Variants in DAW1 observed in about 807,000 individuals in gnomAD.
DAW1 encodes the protein dynein assembly factor with WD repeat domains 1.
In DAW1, 47 loss-of-function variants were observed where a neutral mutation model predicts 56.5. That is an observed-to-expected ratio of 0.83 (90% CI 0.66 to 1.06). DAW1 has a LOEUF of 1.06. DAW1 is among the 50% of genes least tolerant of loss of function. The pLI, the probability that DAW1 is intolerant of heterozygous loss-of-function variation, is 0.00. For synonymous variants in DAW1, 190 were observed against 179.0 expected, an observed-to-expected ratio of 1.06 and a Z score of -0.49; for missense variants, 505 against 499.3, an observed-to-expected ratio of 1.01 and a Z score of -0.11.
intron 10 of DAW1, among the ~76,000 whole-genome samples, chr2:227,911,991 A>G (rs1691837376): frequency 1.3e-5 from 2 of 152,050 alleles, no homozygotes; most frequent in South Asian, 4.1e-4. Context: ...CTTTCTCATG[A>G]CCATATATCC....
At chr2:227,881,743 CTTTTTTTTTTTTT>C (rs541800966) in intron 1 of DAW1, among the ~76,000 whole-genome samples, 1 of 78,608 alleles carries the variant, frequency 1.3e-5, no homozygotes, top group Non-Finnish European at 2.3e-5. Flanking sequence ...CTGCCACATT[CTTTTTTTTTTTTT>C]TTTTTTTTTT....
intron 1 of DAW1, among the ~76,000 whole-genome samples, chr2:227,876,234 A>G (rs866246874): frequency 2.0e-5 from 3 of 152,090 alleles, no homozygotes; most frequent in Non-Finnish European, 4.4e-5. Flanking sequence ...GTTAGCCAGG[A>G]TGGTCTTGAT....
At chr2:227,918,648 A>C (rs4973494) in intron 10 of DAW1, 132 bp from the exon 11 acceptor site, 862,975 of 975,942 alleles carry the variant, frequency 0.88, 381,929 homozygotes, top group Middle Eastern at 0.93. Flanking sequence ...CTGGCTCTCA[A>C]CACAGGCAAG....
At chr2:227,883,096 A>C (rs1366644340) in intron 1 of DAW1, among the ~76,000 whole-genome samples, 2 of 152,238 alleles carry the variant, frequency 1.3e-5, no homozygotes, top group Non-Finnish European at 2.9e-5. Flanking sequence ...AGAGTGACTG[A>C]GAAACAACAT....
At chr2:227,917,086 C>T (rs745937430) in intron 10 of DAW1, among the ~76,000 whole-genome samples, 1 of 151,888 alleles carries the variant, frequency 6.6e-6, no homozygotes, top group East Asian at 1.9e-4. Flanking sequence ...ATGTCTGTGT[C>T]GTCTCCCTCA....
chr2:227,909,530 T>C (rs1691769569), intron 10 of DAW1, among the ~76,000 whole-genome samples: 1 of 151,764 alleles, frequency 6.6e-6, no homozygotes, highest in African/African-American at 2.4e-5. Flanking sequence ...GGCTGAGAAG[T>C]CTTGCCATAT....
chr2:227,881,471 AT>A (rs1691007752), intron 1 of DAW1, among the ~76,000 whole-genome samples: 1 of 152,226 alleles, frequency 6.6e-6, no homozygotes, highest in East Asian at 1.9e-4. Flanking sequence ...AGATGTTACA[AT>A]CTCACTGGAA....
intron 10 of DAW1, among the ~76,000 whole-genome samples, chr2:227,914,928 A>G (rs188632977): frequency 6.6e-6 from 1 of 152,226 alleles, no homozygotes; most frequent in Admixed American, 6.5e-5. Context: ...ATGTCATGCT[A>G]TACTATGTCT....
Position 227,893,782 on chromosome 2 carries a change from T to G in DAW1, c.318-13T>G. On this transcript the variant is annotated splice_polypyrimidine_tract_variant and intron_variant, in intron 4 of 12. Transcript: ENST00000309931. ...CATTCTTCCCTGCAACGTGTTTATA[T>G]TCCTTGTGTTAGCTTTATCACAGGA... is the stretch of plus-strand genomic sequence containing the variant. 6.2e-7 allele frequency: 1 copy of G among 1,606,330 alleles called. No individual in the cohort carries two copies.
chr2:227,886,345 G>A (rs1356012308), intron 2 of DAW1, among the ~76,000 whole-genome samples: 1 of 152,204 alleles, frequency 6.6e-6, no homozygotes, highest in East Asian at 1.9e-4. Flanking sequence ...AGCTGGGCGT[G>A]GTTGCTCACA....
At chr2:227,897,927 C>T (rs996973530) in intron 5 of DAW1, among the ~76,000 whole-genome samples, 6 of 151,922 alleles carry the variant, frequency 3.9e-5, no homozygotes, top group African/African-American at 1.5e-4. Context: ...ATTCATTAAA[C>T]TCATTTTAAA....
chr2:227,887,119 C>G (rs188572643), intron 2 of DAW1, among the ~76,000 whole-genome samples: 2 of 152,190 alleles, frequency 1.3e-5, no homozygotes, highest in East Asian at 3.9e-4. Context: ...GGGCATGGCT[C>G]AGAGGATGAT....
chr2:227,887,243 A>G (rs188577642), intron 2 of DAW1, among the ~76,000 whole-genome samples: 2 of 152,362 alleles, frequency 1.3e-5, no homozygotes, highest in East Asian at 3.9e-4. Flanking sequence ...CATTGAATAC[A>G]ACAATCTTTG....
At chr2:227,891,227 T>TA in intron 3 of DAW1, 28 bp from the exon 4 acceptor site, 1 of 1,602,696 alleles carries the variant, frequency 6.2e-7, no homozygotes, top group Non-Finnish European at 8.5e-7. Context: ...GGTTTGAGTC[T>TA]AAAAAATGGT....
intron 6 of DAW1, among the ~76,000 whole-genome samples, chr2:227,901,155 A>G (rs1246471936): frequency 1.3e-5 from 2 of 152,062 alleles, no homozygotes; most frequent in Non-Finnish European, 2.9e-5. Flanking sequence ...AATGATGAAG[A>G]CCTGTTGTAA....
intron 1 of DAW1, among the ~76,000 whole-genome samples, chr2:227,876,668 T>C (rs1296211695): frequency 2.0e-5 from 3 of 152,252 alleles, no homozygotes; most frequent in Non-Finnish European, 4.4e-5. Flanking sequence ...ATTGTCTTGC[T>C]GCTATCTACT....
chr2:227,871,757 C>CG, intron 1 of DAW1, 28 bp downstream of exon 1: 2 of 1,613,288 alleles, frequency 1.2e-6, no homozygotes, highest in Admixed American at 1.7e-5. Context: ...CCCGTCATCC[C>CG]CACGTGGGAC....
At chr2:227,891,162 A>T in intron 3 of DAW1, 93 bp from the exon 4 acceptor site, 2 of 1,150,870 alleles carry the variant, frequency 1.7e-6, no homozygotes, top group Non-Finnish European at 2.6e-6. Flanking sequence ...ATGTATAATT[A>T]AGAAAAAATT....
rs530620605 is a variant in DAW1, at chr2:227,881,677, G to T, written c.41-3674G>T. The stretch of plus-strand genomic sequence containing the variant: ...TGAGAAAATTGACATTTGCCAGATC[G>T]TGACATAAATAAGGGGTTGAGGATC... On this transcript the variant is annotated intron_variant, in intron 1 of 12. Transcript: ENST00000309931. Among the ~76,000 whole-genome samples, 20 of 150,758 alleles carry T rather than the reference G, an allele frequency of 1.3e-4. No homozygotes were observed. The South Asian group carries it at 4.0e-3, about 30-fold the overall frequency.
Sources: gnomAD v4.1 joint callset for allele counts (sites outside exome capture counted in the v4.1 genomes callset) on GRCh38, gnomAD v4.1.1 for gene constraint, MANE v1.5 for transcripts, NCBI Gene and HGNC (gene_info 2026-07-23, HGNC 2026-07-21) for gene names.